MICAL3: variants seen among roughly 807,000 people sequenced by gnomAD.
MICAL3 encodes microtubule associated monooxygenase, calponin and LIM domain containing 3.
Under a neutral mutation model 207.4 loss-of-function variants are expected in MICAL3, and 62 were observed. That is an observed-to-expected ratio of 0.30 (90% confidence interval 0.24 to 0.37). MICAL3 has a LOEUF of 0.37. Among genes scored for constraint, MICAL3 ranks in the 10% least tolerant of loss-of-function variants. The probability of loss-of-function intolerance (pLI) is 1.00; values close to 1 mark genes in which losing one functional copy is unlikely to be tolerated. For synonymous variants in MICAL3, 1,077 were observed against 1,069.3 expected (o/e 1.01, Z -0.14); for missense variants, 2,368 against 2,635.6 (o/e 0.90, Z 2.22).
In MICAL3 at chr22:17,809,760, GC is replaced by G. The variant is rs1212059611; in HGVS notation, c.5557-824del. On this transcript the variant is annotated intron_variant, in intron 28 of 31. Transcript: ENST00000441493. Reference sequence around the variant, plus strand: ...TGACCTCTTCCCACAAAAATCCCAGGCCTATCAGAGGCTGAGGGGCCACAAA... The same window carrying G: ...TGACCTCTTCCCACAAAAATCCCAGGCTATCAGAGGCTGAGGGGCCACAAA... Among the ~76,000 whole-genome samples the G allele has an allele frequency of 2.0e-5, 3 of 152,308 alleles. No individual in the cohort carries two copies. In the East Asian group the frequency reaches 5.8e-4, roughly 29 times the overall value.
intron 19 of MICAL3, among the ~76,000 whole-genome samples, chr22:17,849,467 T>C (rs375126373): frequency 1.4e-4 from 22 of 152,276 alleles, no homozygotes; most frequent in African/African-American, 4.6e-4. Flanking sequence ...CCTGAGTAGC[T>C]GAGACTACAG....
chr22:17,889,254 A>G (rs3747032), intron 12 of MICAL3, 24 bp from the exon 13 acceptor site: 605,134 of 1,567,166 alleles, frequency 0.39, 121,861 homozygotes, highest in African/African-American at 0.66. Flanking sequence ...CAAGGAAAAC[A>G]TATCAAGATA....
At chr22:17,993,250 G>A (rs1170061056) in intron 1 of MICAL3, among the ~76,000 whole-genome samples, 1 of 96,958 alleles carries the variant, frequency 1.0e-5, no homozygotes, top group East Asian at 2.8e-4. Context: ...TTCCCAGATG[G>A]CTTTTTTTTT....
intron 1 of MICAL3, among the ~76,000 whole-genome samples, chr22:17,978,859 T>C (rs1935774269): frequency 6.8e-6 from 1 of 146,470 alleles, no homozygotes; most frequent in South Asian, 2.2e-4. Context: ...ATGTGAATTA[T>C]ATAATAAAGC....
intron 17 of MICAL3, among the ~76,000 whole-genome samples, chr22:17,867,760 G>C (rs947076970): frequency 1.3e-5 from 2 of 152,254 alleles, no homozygotes; most frequent in African/African-American, 4.8e-5. Context: ...CTGGATGGAA[G>C]CTATAAAGTT....
At chr22:17,894,362 A>G (rs1282571251) in intron 10 of MICAL3, among the ~76,000 whole-genome samples, 2 of 151,040 alleles carry the variant, frequency 1.3e-5, no homozygotes, top group African/African-American at 4.9e-5. Context: ...ACCACACCCC[A>G]GAGAGCCTGG....
At chr22:17,886,125 G>T in intron 15 of MICAL3, 74 bp from the exon 16 acceptor site, 1 of 1,526,862 alleles carries the variant, frequency 6.5e-7, no homozygotes, top group Non-Finnish European at 9.0e-7. Flanking sequence ...TCACAGAAGT[G>T]CACTCAGGAC....
At chr22:17,808,383 C>T (rs1476463501) in intron 29 of MICAL3, among the ~76,000 whole-genome samples, 2 of 152,238 alleles carry the variant, frequency 1.3e-5, no homozygotes, top group Non-Finnish European at 2.9e-5. Flanking sequence ...CCACATGCTC[C>T]CCGACCAGCG....
In MICAL3 at chr22:17,821,414, C is replaced by A. The variant is rs1176297541; in HGVS notation, c.3531+13G>T. On this transcript the variant is annotated intron_variant, in intron 25 of 31. Coordinates refer to ENST00000441493, the MANE Select transcript of MICAL3 (RefSeq NM_015241.3). ...TAGTTCTCTGTACCCCACAGCGAGC[C>A]CCAAACCCTTACCTCTGTTGAGGGG... 6 of 1,539,782 alleles carry A rather than the reference C, an allele frequency of 3.9e-6. No homozygotes were observed. The highest frequency in any genetic ancestry group is 5.3e-6 in the Non-Finnish European group (6 of 1,142,216).
At chr22:18,017,747 G>A (rs1480839337) in intron 1 of MICAL3, among the ~76,000 whole-genome samples, 4 of 141,072 alleles carry the variant, frequency 2.8e-5, no homozygotes, top group African/African-American at 5.0e-5. Flanking sequence ...CACCACACCC[G>A]GCTAATTTTT....
rs1182090708 is a variant in MICAL3 at position 17,902,028 on chromosome 22, A to C, written c.590-49T>G. On this transcript the variant is annotated intron_variant, in intron 4 of 31. Transcript: ENST00000441493. This position sits in a 1 kb window ranked among gnomAD's most constrained non-coding sequence, Gnocchi z 4.5. ...GGGGGTCACCACCCAGACCACATTCACAGCCAGGACCATCTCTAGATACCC... is the reference window on the plus strand; with the variant it reads ...GGGGGTCACCACCCAGACCACATTCCCAGCCAGGACCATCTCTAGATACCC... 7.4e-7 allele frequency: 1 copy of C among 1,346,892 alleles called. No individual in the cohort carries two copies. 83.4% of individuals were successfully genotyped at this position (1,346,892 alleles called of 1,614,324 possible).
intron 1 of MICAL3, among the ~76,000 whole-genome samples, chr22:18,017,191 A>G (rs145066151): frequency 2.0e-3 from 297 of 151,990 alleles, no homozygotes; most frequent in Middle Eastern, 6.8e-3. Flanking sequence ...TTTTGAAATG[A>G]ATTATTGGTT....
At chr22:17,856,594 G>C (rs1925915914) in intron 19 of MICAL3, among the ~76,000 whole-genome samples, 1 of 145,544 alleles carries the variant, frequency 6.9e-6, no homozygotes. Flanking sequence ...TGAAACTCTA[G>C]AAGAAAATGT....
intron 1 of MICAL3, among the ~76,000 whole-genome samples, chr22:17,969,290 C>T (rs1000723520): frequency 2.0e-5 from 3 of 152,332 alleles, no homozygotes; most frequent in East Asian, 1.9e-4. Context: ...CCACCTGCCT[C>T]GGCCTCCCAA....
intron 16 of MICAL3, 25 bp downstream of exon 16, chr22:17,885,853 T>A: frequency 6.2e-7 from 1 of 1,610,920 alleles, no homozygotes; most frequent in Non-Finnish European, 8.5e-7. Flanking sequence ...CAAATCGGTG[T>A]GGGCAGGGCA....
chr22:17,905,674 T>A (rs1367345102), intron 2 of MICAL3, among the ~76,000 whole-genome samples: 1 of 152,202 alleles, frequency 6.6e-6, no homozygotes, highest in Non-Finnish European at 1.5e-5. Context: ...AACGTAGCCA[T>A]GAAGTCATCT....
intron 19 of MICAL3, chr22:17,863,390 T>C (rs542885254): frequency 2.0e-6 from 2 of 985,410 alleles, no homozygotes; most frequent in South Asian, 9.4e-5. Flanking sequence ...GTACATTCTA[T>C]AGCATAAAGC....
chr22:17,866,613 C>CAGAATAGAATAGAATAGAATAGAAT lies in MICAL3; in HGVS notation c.2429-626_2429-602dup, dbSNP rs60628065. On this transcript the variant is annotated intron_variant, in intron 17 of 31. Coordinates refer to ENST00000441493, the MANE Select transcript of MICAL3 (RefSeq NM_015241.3). ...TGGAAGGGAACAGCATAGAACAGAACAGAATAGAATAGAATAGAATAGAAT... is the reference window on the plus strand; with the variant it reads ...TGGAAGGGAACAGCATAGAACAGAACAGAATAGAATAGAATAGAATAGAATAGAATAGAATAGAATAGAATAGAAT... Among the ~76,000 whole-genome samples, 1,039 of 136,206 alleles carry CAGAATAGAATAGAATAGAATAGAAT rather than the reference C, an allele frequency of 7.6e-3. 13 individuals are homozygous for CAGAATAGAATAGAATAGAATAGAAT. Among genetic ancestry groups the CAGAATAGAATAGAATAGAATAGAAT allele is most frequent in the African/African-American group, 0.013 (465 of 35,122 alleles). 89.4% of individuals were successfully genotyped at this position (136,206 alleles called of 152,430 possible).
At chr22:18,014,867 C>T (rs1399752289) in intron 1 of MICAL3, among the ~76,000 whole-genome samples, 4 of 152,022 alleles carry the variant, frequency 2.6e-5, no homozygotes, top group African/African-American at 4.8e-5. Context: ...GTGGCGGGTG[C>T]CTGTAGCCCC....
Sources: allele counts gnomAD v4.1 joint callset (sites outside exome capture counted in the v4.1 genomes callset), GRCh38; gene constraint gnomAD v4.1.1; non-coding constraint Gnocchi (gnomAD v3.1); transcripts MANE v1.5; gene names NCBI Gene and HGNC (gene_info 2026-07-23, HGNC 2026-07-21).